The following KIF3A variants were observed in gnomAD, a reference collection of about 807,000 sequenced individuals.
KIF3A encodes kinesin family member 3A.
In KIF3A, 27 loss-of-function variants were observed where a neutral mutation model predicts 92.6. The ratio of observed to expected loss-of-function variants is 0.29; its 90% CI spans 0.21 to 0.40. The LOEUF (loss-of-function observed/expected upper bound fraction) is 0.40. KIF3A is among the 10% of genes least tolerant of loss of function. The pLI, the probability that KIF3A is intolerant of heterozygous loss-of-function variation, is 1.00. For synonymous variants in KIF3A, 250 were observed against 275.4 expected (o/e 0.91, Z 0.92); for missense variants, 581 against 872.6 (o/e 0.67, Z 4.21).
At chr5:132,722,549 G>A (rs958700297) in intron 4 of KIF3A, among the ~76,000 whole-genome samples, 3 of 152,164 alleles carry the variant, frequency 2.0e-5, no homozygotes, top group African/African-American at 7.2e-5. Flanking sequence ...CTGTCCCACA[G>A]AATTTTGAAT....
chr5:132,704,721 C>A (rs1386906974), intron 11 of KIF3A, among the ~76,000 whole-genome samples: 1 of 151,872 alleles, frequency 6.6e-6, no homozygotes, highest in Non-Finnish European at 1.5e-5. Flanking sequence ...TTCTTAACTT[C>A]CTTCCCAAAG....
chr5:132,726,565 T>G, intron 2 of KIF3A, 67 bp from the exon 3 acceptor site: 2 of 1,385,866 alleles, frequency 1.4e-6, no homozygotes, highest in Non-Finnish European at 2.0e-6. Flanking sequence ...GCTCTTAAAA[T>G]TAATTCCTTT....
chr5:132,716,043 T>C, intron 7 of KIF3A, 112 bp from the exon 8 acceptor site: 1 of 905,028 alleles, frequency 1.1e-6, no homozygotes, highest in Non-Finnish European at 1.6e-6. Context: ...CCCTTGGCCT[T>C]CTCGAAAATG....
intron 1 of KIF3A, chr5:132,736,904 G>A: frequency 2.9e-6 from 1 of 340,194 alleles, no homozygotes; most frequent in Non-Finnish European, 5.9e-6. Flanking sequence ...GACACCTACG[G>A]GTTTCATTCT....
rs1352055374 is a variant in KIF3A at position 132,719,225 on chromosome 5, C to T, written c.616+1384G>A. On this transcript the variant is annotated intron_variant, in intron 5 of 18. Coordinates refer to ENST00000403231, the MANE Select transcript of KIF3A (RefSeq NM_001300791.2). ...AATCTGATGGGTGAAACATCTCTCT[C>T]TATCTTGTTTTAGCATTTTCCTGAT... Among the ~76,000 whole-genome samples, 3 of 152,188 alleles carry T rather than the reference C, an allele frequency of 2.0e-5. No homozygotes were observed. The East Asian group carries it at 5.8e-4, about 29-fold the overall frequency.
At chr5:132,727,059 T>C (rs950417507) in intron 2 of KIF3A, among the ~76,000 whole-genome samples, 3 of 152,240 alleles carry the variant, frequency 2.0e-5, no homozygotes, top group Non-Finnish European at 2.9e-5. Context: ...AGTAAAATGA[T>C]AGCTTTTTTC....
At chr5:132,691,123 T>C (rs531218757), downstream of KIF3A, among the ~76,000 whole-genome samples, 2 of 152,354 alleles carry the variant, frequency 1.3e-5, no homozygotes, top group Admixed American at 1.3e-4. Flanking sequence ...AATGAGATCA[T>C]GGCACTGTTA....
rs191647319 is a variant in KIF3A at position 132,697,124 on chromosome 5, T to A, written c.2133-442A>T. Among the ~76,000 whole-genome samples, 3 of 152,370 alleles carry A rather than the reference T, an allele frequency of 2.0e-5. No individual in the cohort carries two copies. The East Asian group carries it at 5.8e-4, about 29-fold the overall frequency. On this transcript the variant is annotated intron_variant, in intron 18 of 18. Transcript: ENST00000403231. ...TTATGGAAATGCTACATTAATGTAT[T>A]ATATTTATTGCAATTTTGCCTAGCC... is the stretch of plus-strand genomic sequence containing the variant.
At chr5:132,713,817 G>A (rs993606515) in intron 8 of KIF3A, among the ~76,000 whole-genome samples, 15 of 151,544 alleles carry the variant, frequency 9.9e-5, no homozygotes, top group Non-Finnish European at 1.6e-4. Flanking sequence ...TCTACAACAC[G>A]GATGACCCTT....
At chr5:132,708,404 T>C (rs1246851284) in intron 10 of KIF3A, among the ~76,000 whole-genome samples, 1 of 152,210 alleles carries the variant, frequency 6.6e-6, no homozygotes, top group Non-Finnish European at 1.5e-5. Context: ...TCAAGCTTTA[T>C]GTTTTTCTTT....
intron 9 of KIF3A, 133 bp downstream of exon 9, chr5:132,710,826 T>A: frequency 8.2e-7 from 1 of 1,214,000 alleles, no homozygotes; most frequent in Non-Finnish European, 1.1e-6. Context: ...GTTAACCAGG[T>A]AAATGGCATA....
Position 132,693,757 on chromosome 5 carries a change from G to T in KIF3A, c.*2877C>A, listed in dbSNP as rs1139660. 6.6e-6 allele frequency: 1 copy of T among 152,184 alleles called. No homozygotes were observed. Among genetic ancestry groups the T allele is most frequent in the South Asian group, 2.1e-4 (1 of 4,826 alleles). 9.4% of individuals were successfully genotyped at this position (152,184 alleles called of 1,614,324 possible). A position where few individuals can be genotyped will look rare whatever the true frequency, so the allele number is the denominator to read the frequency against. On this transcript the variant is annotated 3_prime_UTR_variant, in exon 19 of 19. Transcript: ENST00000403231. ...AGCACTTTGGGAGGCTGAGGCGGGCGGATCACAAAGTCAGGTGAGACCAGC... is the reference window on the plus strand; with the variant it reads ...AGCACTTTGGGAGGCTGAGGCGGGCTGATCACAAAGTCAGGTGAGACCAGC...
chr5:132,690,603 T>C (rs1752638797), downstream of KIF3A, among the ~76,000 whole-genome samples: 1 of 152,136 alleles, frequency 6.6e-6, no homozygotes, highest in African/African-American at 2.4e-5. Flanking sequence ...TCACGATATA[T>C]CTCATAATAT....
In KIF3A at chr5:132,700,271, T is replaced by A; in HGVS notation, c.1952A>T (p.Tyr651Phe). The A allele has an allele frequency of 6.3e-7, 1 of 1,594,828 alleles. No homozygotes were observed. Among genetic ancestry groups the A allele is most frequent in the Non-Finnish European group, 8.6e-7 (1 of 1,167,882 alleles). Residue 651 changes from tyrosine to phenylalanine, a missense_variant, in exon 17 of 19, where the codon TAT (tyrosine) becomes TTT (phenylalanine). Transcript: ENST00000403231. ...TTGCTTCCTCATGTTATTTCCTGTA[T>A]AAGCAACACATTTCTCAAAAAAAGA... is the stretch of plus-strand genomic sequence containing the variant. ...IGEWQLKCVA[Y>F]TGNNMRKQTP... is the part of the protein sequence containing the mutation.
Position 132,703,479 on chromosome 5 carries a change from CT to C in KIF3A, c.1449del (p.Asp484IlefsTer23). 1 of 1,609,816 alleles carries C rather than the reference CT, an allele frequency of 6.2e-7. No individual in the cohort carries two copies. On this transcript the variant is annotated frameshift_variant, in exon 12 of 19. Coordinates refer to ENST00000403231, the MANE Select transcript of KIF3A (RefSeq NM_001300791.2). LOFTEE classifies it high-confidence loss of function. ...AATACTCACTGGGCTTTAAGAAGAT[CT>C]TTTTCCCGTTTCTCTAATTCAGCTC... Reference protein sequence around the residue: ...KARAELEKREKDLLKAQQEHQ... With the variant: ...KARAELEKREXDLLKAQQEHQ...
chr5:132,702,015 C>A (rs2149894688), intron 15 of KIF3A, 72 bp downstream of exon 15: 1 of 1,423,770 alleles, frequency 7.0e-7, no homozygotes, highest in East Asian at 2.3e-5. Context: ...TATTTATCAT[C>A]AGTTAAATTA....
chr5:132,728,745 C>CAATAAATAAATA (rs3048989), intron 2 of KIF3A, among the ~76,000 whole-genome samples: 172 of 149,692 alleles, frequency 1.1e-3, no homozygotes, highest in African/African-American at 4.0e-3. Context: ...TCAAAAAATA[C>CAATAAATAAATA]AATAAATAAA....
downstream of KIF3A, among the ~76,000 whole-genome samples, chr5:132,691,902 C>T (rs1028135422): frequency 2.8e-5 from 4 of 141,376 alleles, no homozygotes; most frequent in African/African-American, 1.1e-4. Context: ...AACTCTGTCT[C>T]AAAAAATAAG....
intron 1 of KIF3A, among the ~76,000 whole-genome samples, chr5:132,736,301 T>C (rs1754386256): frequency 6.6e-6 from 1 of 152,236 alleles, no homozygotes; most frequent in South Asian, 2.1e-4. Flanking sequence ...AAATAATTTC[T>C]AAAGTCTCTT....
Sources: allele counts gnomAD v4.1 joint callset (sites outside exome capture counted in the v4.1 genomes callset), GRCh38; gene constraint gnomAD v4.1.1; transcripts MANE v1.5; gene names NCBI Gene and HGNC (gene_info 2026-07-23, HGNC 2026-07-21).